OPA1: variants seen among roughly 807,000 people sequenced by gnomAD.
The protein encoded by OPA1 is OPA1 mitochondrial dynamin like GTPase.
OPA1 carries 59 observed loss-of-function variants against 152.9 expected under a neutral mutation model. The ratio of observed to expected loss-of-function variants is 0.39; its 90% CI spans 0.31 to 0.48. The LOEUF is 0.48. OPA1 is among the 20% of genes least tolerant of loss of function. OPA1 has a pLI of 0.96. For missense variants in OPA1, 1,008 were observed against 1,216.8 expected, an observed-to-expected ratio of 0.83 and a Z score of 2.55; for synonymous variants, 400 against 389.9, an observed-to-expected ratio of 1.03 and a Z score of -0.31.
intron 29 of OPA1, chr3:193,689,176 A>G (rs1055731968): frequency 6.6e-6 from 1 of 152,244 alleles, no homozygotes; most frequent in African/African-American, 2.4e-5. Context: ...CAAAGGTAGG[A>G]TATCATCTGT....
intron 6 of OPA1, among the ~76,000 whole-genome samples, chr3:193,625,211 A>G (rs576130677): frequency 6.6e-6 from 1 of 152,290 alleles, no homozygotes; most frequent in South Asian, 2.1e-4. Flanking sequence ...TAAAAATTGT[A>G]TCAATATACT....
At chr3:193,643,906 T>G in intron 15 of OPA1, 69 bp from the exon 16 acceptor site, 2 of 1,513,930 alleles carry the variant, frequency 1.3e-6, no homozygotes, top group South Asian at 2.3e-5. Flanking sequence ...GGGGTATAAT[T>G]TGTACTGAGT....
intron 9 of OPA1, 110 bp from the exon 10 acceptor site, chr3:193,637,082 CAAT>C (rs140028408): frequency 1.3e-4 from 78 of 598,396 alleles, no homozygotes; most frequent in African/African-American, 1.2e-3. Context: ...GAAAACAGTA[CAAT>C]GATTATGGAA....
chr3:193,604,667 C>G (rs989710853), intron 1 of OPA1, among the ~76,000 whole-genome samples: 3 of 151,738 alleles, frequency 2.0e-5, no homozygotes, highest in Non-Finnish European at 2.9e-5. Context: ...TCAAGGACAG[C>G]CTGACCAACA....
chr3:193,693,833 A>G (rs1560086602), intron 30 of OPA1, among the ~76,000 whole-genome samples: 1 of 152,218 alleles, frequency 6.6e-6, no homozygotes, highest in African/African-American at 2.4e-5. Flanking sequence ...GTTACCGTGA[A>G]TACTTACTAT....
At chr3:193,601,886 T>C (rs768196561) in intron 1 of OPA1, among the ~76,000 whole-genome samples, 4 of 152,122 alleles carry the variant, frequency 2.6e-5, no homozygotes. Flanking sequence ...TTGGGAAACG[T>C]GGAGGGGCAC....
At chr3:193,607,076 T>G (rs1174498867) in intron 1 of OPA1, among the ~76,000 whole-genome samples, 1 of 152,260 alleles carries the variant, frequency 6.6e-6, no homozygotes, top group Non-Finnish European at 1.5e-5. Flanking sequence ...TTTTGAGAAG[T>G]GTCTGTTCAT....
intron 1 of OPA1, among the ~76,000 whole-genome samples, chr3:193,603,744 G>A (rs1252147867): frequency 6.6e-6 from 1 of 152,166 alleles, no homozygotes; most frequent in Non-Finnish European, 1.5e-5. Context: ...CATTTTGGGT[G>A]GTAACAGCAT....
intron 19 of OPA1, among the ~76,000 whole-genome samples, 173 bp downstream of exon 19, chr3:193,647,353 A>G (rs1275270270): frequency 6.6e-6 from 1 of 152,232 alleles, no homozygotes; most frequent in Admixed American, 6.5e-5. Flanking sequence ...TTATACAAGA[A>G]CAAGATTTTT....
At chr3:193,593,704 G>A (rs1303257839) in intron 1 of OPA1, among the ~76,000 whole-genome samples, 1 of 151,914 alleles carries the variant, frequency 6.6e-6, no homozygotes, top group Non-Finnish European at 1.5e-5. Flanking sequence ...ACACCCTTGT[G>A]TCTTCAGTGT....
intron 29 of OPA1, among the ~76,000 whole-genome samples, chr3:193,674,696 G>A (rs922860199): frequency 6.6e-6 from 1 of 152,136 alleles, no homozygotes; most frequent in Admixed American, 6.5e-5. Flanking sequence ...AAACATCAAG[G>A]TACCCTGGAA....
chr3:193,651,950 T>C (rs34160993), intron 21 of OPA1, among the ~76,000 whole-genome samples: 1 of 152,202 alleles, frequency 6.6e-6, no homozygotes, highest in Non-Finnish European at 1.5e-5. Context: ...TAAAGTGGAA[T>C]GTAGGTAAAG....
At chr3:193,647,237 C>A in intron 19 of OPA1, 57 bp downstream of exon 19, 1 of 1,070,140 alleles carries the variant, frequency 9.3e-7, no homozygotes, top group Non-Finnish European at 1.4e-6. Flanking sequence ...AGCTGGCAAT[C>A]TTTGGCATCC....
At chr3:193,681,103 AT>A (rs1274306427) in intron 29 of OPA1, among the ~76,000 whole-genome samples, 1 of 152,206 alleles carries the variant, frequency 6.6e-6, no homozygotes, top group African/African-American at 2.4e-5. Context: ...AGGAATAGAT[AT>A]TGATATCATT....
chr3:193,601,021 AAAG>A (rs1371337505), intron 1 of OPA1, among the ~76,000 whole-genome samples: 1 of 152,184 alleles, frequency 6.6e-6, no homozygotes, highest in African/African-American at 2.4e-5. Flanking sequence ...GCTTGAGCAA[AAAG>A]AAGATCTAAG....
In OPA1 at chr3:193,617,266, G is replaced by T; in HGVS notation, c.537G>T (p.Leu179Phe). The T allele has an allele frequency of 6.2e-7, 1 of 1,610,626 alleles. No homozygotes were observed. Among genetic ancestry groups the T allele is most frequent in the South Asian group, 1.1e-5 (1 of 90,860 alleles). Reference protein sequence around the residue: ...FDKIVESLSLLKDFFTSGHKL... With the variant: ...FDKIVESLSLFKDFFTSGHKL... ...AGATTGTTGAAAGCCTTAGCTTATT[G>T]AAGGACTTTTTTACCTCAGGTAAGG... The change falls in exon 4 of 31, where the codon TTG becomes TTT. Residue 179 changes from leucine (L) to phenylalanine (F), a missense_variant. Physicochemically the swap from Leu to Phe is conservative, Grantham distance 22. Transcript: ENST00000361510.
chr3:193,667,240 A>ATTGCTTACTGGTAAACGCGTT lies in OPA1; in HGVS notation c.2944_2964dup (p.Leu982_Val988dup). 1 of 1,606,530 alleles carries ATTGCTTACTGGTAAACGCGTT rather than the reference A, an allele frequency of 6.2e-7. No individual in the cohort carries two copies. On this transcript the variant is annotated inframe_insertion, in exon 29 of 31. Coordinates refer to ENST00000361510, the MANE Select transcript of OPA1 (RefSeq NM_130837.3). The stretch of plus-strand genomic sequence containing the variant: ...CTGAAGATGGTGAGAAGAAGATTAA[A>ATTGCTTACTGGTAAACGCGTT]TTGCTTACTGGTAAACGCGTTCAAC...
chr3:193,674,034 G>T (rs78400086), intron 29 of OPA1, among the ~76,000 whole-genome samples: 10,243 of 152,232 alleles, frequency 0.067, 404 homozygotes, highest in Non-Finnish European at 0.087. Context: ...TTAGAGAGTC[G>T]GGCTCGCAGC....
At chr3:193,654,823 A>G (rs1366872949) in intron 21 of OPA1, 39 bp from the exon 22 acceptor site, 2 of 1,594,332 alleles carry the variant, frequency 1.3e-6, no homozygotes, top group Non-Finnish European at 8.6e-7. Context: ...AAACAATATT[A>G]TATTTAGATT....
Sources: allele counts gnomAD v4.1 joint callset (sites outside exome capture counted in the v4.1 genomes callset), GRCh38; gene constraint gnomAD v4.1.1; transcripts MANE v1.5; gene names NCBI Gene and HGNC (gene_info 2026-07-23, HGNC 2026-07-21).